RALGAPA1: variants seen among roughly 807,000 people sequenced by gnomAD.
The protein encoded by RALGAPA1 is Ral GTPase activating protein catalytic subunit alpha 1, also known as ral GTPase-activating protein subunit alpha-1.
In RALGAPA1, 52 loss-of-function variants were observed where a neutral mutation model predicts 269.6. The observed-to-expected ratio is 0.19, with a 90% CI of 0.15 to 0.24. RALGAPA1 has a LOEUF of 0.24. Among genes scored for constraint, RALGAPA1 ranks in the 10% least tolerant of loss-of-function variants. RALGAPA1 has a pLI of 1.00. For missense variants in RALGAPA1, 1,917 were observed against 3,013.9 expected (o/e 0.64, Z 8.52); for synonymous variants, 817 against 1,008.3 (o/e 0.81, Z 3.60).
At chr14:35,686,837 ATTTAC>A (rs1475624483) in intron 18 of RALGAPA1, among the ~76,000 whole-genome samples, 171 bp from the exon 19 acceptor site, 1 of 152,212 alleles carries the variant, frequency 6.6e-6, no homozygotes, top group Non-Finnish European at 1.5e-5. Context: ...GTAAATTGAT[ATTTAC>A]TTTATTTAAC....
chr14:35,622,113 C>T (rs2060669198), intron 35 of RALGAPA1, among the ~76,000 whole-genome samples: 1 of 152,264 alleles, frequency 6.6e-6, no homozygotes, highest in African/African-American at 2.4e-5. Flanking sequence ...TGGAACCAAC[C>T]CAAATGTCCA....
intron 36 of RALGAPA1, among the ~76,000 whole-genome samples, chr14:35,602,930 G>A (rs960607577): frequency 3.3e-5 from 5 of 152,008 alleles, no homozygotes; most frequent in South Asian, 2.1e-4. Context: ...ATATGGTATG[G>A]GGTAAGAGTC....
intron 41 of RALGAPA1, among the ~76,000 whole-genome samples, chr14:35,541,206 C>T (rs1047055012): frequency 5.9e-5 from 9 of 151,638 alleles, no homozygotes; most frequent in African/African-American, 1.5e-4. Flanking sequence ...CCACCACGCC[C>T]GGCTAATTTT....
At chr14:35,783,236 A>C (rs2075573826) in intron 1 of RALGAPA1, among the ~76,000 whole-genome samples, 1 of 152,202 alleles carries the variant, frequency 6.6e-6, no homozygotes, top group African/African-American at 2.4e-5. Flanking sequence ...TTGAGAGTTC[A>C]GAAATAAATC....
intron 35 of RALGAPA1, among the ~76,000 whole-genome samples, chr14:35,618,572 T>C (rs554012602): frequency 5.9e-5 from 9 of 152,254 alleles, no homozygotes; most frequent in South Asian, 4.1e-4. Flanking sequence ...TGTCCACTGT[T>C]ACTATACTAT....
chr14:35,779,238 G>C (rs1264075619), intron 1 of RALGAPA1, among the ~76,000 whole-genome samples: 1 of 152,100 alleles, frequency 6.6e-6, no homozygotes, highest in African/African-American at 2.4e-5. Context: ...GAATAAAACA[G>C]GCTTGGGCTG....
At chr14:35,630,249 G>A (rs769215595) in intron 33 of RALGAPA1, among the ~76,000 whole-genome samples, 3 of 151,414 alleles carry the variant, frequency 2.0e-5, no homozygotes, top group Non-Finnish European at 4.4e-5. Flanking sequence ...GCCAAGTTAT[G>A]TCTACATAAA....
chr14:35,782,704 A>G (rs2075530201), intron 1 of RALGAPA1, among the ~76,000 whole-genome samples: 1 of 152,090 alleles, frequency 6.6e-6, no homozygotes, highest in African/African-American at 2.4e-5. Flanking sequence ...GATTACAGAC[A>G]TGAGCCACCA....
intron 1 of RALGAPA1, among the ~76,000 whole-genome samples, chr14:35,802,263 A>G (rs1274514645): frequency 5.3e-5 from 8 of 152,108 alleles, no homozygotes; most frequent in Non-Finnish European, 1.0e-4. Flanking sequence ...AGCTGAGATC[A>G]TGCCACTGCA....
At chr14:35,694,237 T>A (rs2066726305) in intron 17 of RALGAPA1, among the ~76,000 whole-genome samples, 2 of 152,174 alleles carry the variant, frequency 1.3e-5, no homozygotes, top group African/African-American at 4.8e-5. Flanking sequence ...TTACTAAAGT[T>A]AAATTATTTT....
intron 16 of RALGAPA1, among the ~76,000 whole-genome samples, chr14:35,720,362 TTTTC>T (rs1422342987): frequency 2.6e-5 from 4 of 152,208 alleles, no homozygotes; most frequent in South Asian, 2.1e-4. Flanking sequence ...TAATCTCTTA[TTTTC>T]TTTCTAGTTG....
At chr14:35,766,616 T>G (rs967315447) in intron 4 of RALGAPA1, 4 of 738,380 alleles carry the variant, frequency 5.4e-6, no homozygotes, top group Non-Finnish European at 1.0e-5. Context: ...AAGCCATGTA[T>G]GCTGCAACCA....
intron 31 of RALGAPA1, among the ~76,000 whole-genome samples, chr14:35,650,411 TA>T (rs1324597192): frequency 2.6e-5 from 4 of 151,022 alleles, no homozygotes; most frequent in Non-Finnish European, 5.9e-5. Flanking sequence ...AAATTTAAAA[TA>T]AAAAAAATAA....
intron 39 of RALGAPA1, among the ~76,000 whole-genome samples, chr14:35,558,777 C>T (rs769553810): frequency 2.4e-4 from 36 of 152,100 alleles, no homozygotes; most frequent in Non-Finnish European, 4.4e-4. Flanking sequence ...GACAATGGTA[C>T]CATTGTGAAT....
intron 37 of RALGAPA1, among the ~76,000 whole-genome samples, chr14:35,581,494 T>C (rs908279686): frequency 1.3e-5 from 2 of 152,326 alleles, no homozygotes; most frequent in East Asian, 1.9e-4. Context: ...TTCATACATA[T>C]AGAGCTGAAA....
At chr14:35,617,591 C>A (rs919199097) in intron 35 of RALGAPA1, among the ~76,000 whole-genome samples, 2 of 118,042 alleles carry the variant, frequency 1.7e-5, no homozygotes, top group Non-Finnish European at 3.2e-5. Context: ...GAACTCCAGC[C>A]TGGGTGACAA....
chr14:35,614,930 G>A (rs977104198), intron 35 of RALGAPA1, among the ~76,000 whole-genome samples: 1 of 151,928 alleles, frequency 6.6e-6, no homozygotes, highest in Non-Finnish European at 1.5e-5. Flanking sequence ...GTGCCATATA[G>A]GAAAAAAACA....
At chr14:35,582,978 C>T (rs765902771) in intron 37 of RALGAPA1, among the ~76,000 whole-genome samples, 1 of 152,128 alleles carries the variant, frequency 6.6e-6, no homozygotes, top group Non-Finnish European at 1.5e-5. Flanking sequence ...CCCCTTCCCC[C>T]ACACCTTACC....
intron 40 of RALGAPA1, among the ~76,000 whole-genome samples, chr14:35,548,843 T>A (rs2054696321): frequency 6.6e-6 from 1 of 152,162 alleles, no homozygotes; most frequent in Non-Finnish European, 1.5e-5. Flanking sequence ...ACTTCAGAAA[T>A]GATTCCAGAA....
Sources: allele counts gnomAD v4.1 joint callset (sites outside exome capture counted in the v4.1 genomes callset), GRCh38; gene constraint gnomAD v4.1.1; transcripts MANE v1.5; gene names NCBI Gene and HGNC (gene_info 2026-07-23, HGNC 2026-07-21).